The following BMPER variants were observed in gnomAD, a reference collection of about 807,000 sequenced individuals.
The protein encoded by BMPER is BMP binding endothelial regulator.
BMPER carries 45 observed loss-of-function variants against 87.3 expected under a neutral mutation model. The observed-to-expected ratio is 0.52, with a 90% CI of 0.41 to 0.66. BMPER has a LOEUF of 0.66. Ranked by LOEUF, BMPER falls within the 30% of genes least tolerant of loss-of-function variation. The pLI, the probability that BMPER is intolerant of heterozygous loss-of-function variation, is 0.00. For missense variants in BMPER, 784 were observed against 867.5 expected (o/e 0.90, Z 1.21); for synonymous variants, 326 against 316.2 (o/e 1.03, Z -0.33).
At chr7:33,922,913 A>G (rs1432495291) in intron 2 of BMPER, among the ~76,000 whole-genome samples, 2 of 152,194 alleles carry the variant, frequency 1.3e-5, no homozygotes, top group African/African-American at 4.8e-5. Context: ...ATATGTGGGA[A>G]GGAAATATTA....
At chr7:33,995,411 A>T (rs148620156) in intron 6 of BMPER, among the ~76,000 whole-genome samples, 33 of 152,214 alleles carry the variant, frequency 2.2e-4, no homozygotes, top group African/African-American at 7.7e-4. Flanking sequence ...CAAGGAGAAG[A>T]CAATAAAATA....
chr7:33,920,686 A>G (rs1194059631), intron 2 of BMPER, among the ~76,000 whole-genome samples: 1 of 151,902 alleles, frequency 6.6e-6, no homozygotes, highest in Non-Finnish European at 1.5e-5. Context: ...GGCCCCCCCA[A>G]AGTGCTGGGA....
At chr7:34,097,574 A>C (rs1215258423) in intron 13 of BMPER, among the ~76,000 whole-genome samples, 1 of 152,098 alleles carries the variant, frequency 6.6e-6, no homozygotes, top group African/African-American at 2.4e-5. Context: ...AAGCTTTAGC[A>C]TGAAATGGAA....
Position 33,924,762 on chromosome 7 carries a change from G to A in BMPER, c.220-12527G>A, listed in dbSNP as rs939623895. Among the ~76,000 whole-genome samples the A allele has an allele frequency of 1.2e-4, 18 of 152,256 alleles. 1 individual carries two copies. Among genetic ancestry groups the A allele is most frequent in the South Asian group, 4.1e-4 (2 of 4,822 alleles). ...GGCTCACTGCAACCTCTGCCTCCCG[G>A]GCTCAAGCGATTCTCCTGCCTCAAT... On this transcript the variant is annotated intron_variant, in intron 2 of 14. Coordinates refer to ENST00000649409, the MANE Select transcript of BMPER (RefSeq NM_001365308.1).
chr7:34,080,393 G>A (rs1395970824), intron 12 of BMPER, among the ~76,000 whole-genome samples: 1 of 152,172 alleles, frequency 6.6e-6, no homozygotes, highest in African/African-American at 2.4e-5. Context: ...AGCAGCCCAG[G>A]GAGCTTTTAG....
chr7:34,047,885 G>T (rs941298699), intron 7 of BMPER, among the ~76,000 whole-genome samples: 4 of 142,190 alleles, frequency 2.8e-5, no homozygotes, highest in African/African-American at 1.1e-4. Flanking sequence ...CTCCCCTTAA[G>T]TCTGTTTACA....
At chr7:33,995,429 G>C (rs1033662535) in intron 6 of BMPER, among the ~76,000 whole-genome samples, 1 of 152,132 alleles carries the variant, frequency 6.6e-6, no homozygotes, top group African/African-American at 2.4e-5. Context: ...ATAGGACAAT[G>C]TTGAGAGCCA....
At chr7:34,081,259 G>C (rs1465693788) in intron 12 of BMPER, among the ~76,000 whole-genome samples, 1 of 152,090 alleles carries the variant, frequency 6.6e-6, no homozygotes, top group Admixed American at 6.5e-5. Context: ...ACCACCTATT[G>C]ATTATGTATT....
At chr7:34,137,367 A>G (rs1790745741) in intron 13 of BMPER, among the ~76,000 whole-genome samples, 2 of 152,250 alleles carry the variant, frequency 1.3e-5, no homozygotes, top group Non-Finnish European at 1.5e-5. Flanking sequence ...GATGGAATTC[A>G]TGTCCTTCAG....
At chr7:33,993,462 G>C (rs1265944977) in intron 6 of BMPER, among the ~76,000 whole-genome samples, 3 of 151,908 alleles carry the variant, frequency 2.0e-5, no homozygotes, top group African/African-American at 7.2e-5. Flanking sequence ...TTGGTTTTCA[G>C]CTCCATCAGC....
chr7:34,052,596 G>A (rs1788175504), intron 8 of BMPER, among the ~76,000 whole-genome samples: 1 of 152,198 alleles, frequency 6.6e-6, no homozygotes, highest in African/African-American at 2.4e-5. Flanking sequence ...ATTTATCAGG[G>A]AGGACTTTAG....
At chr7:33,934,302 C>T (rs1784551178) in intron 2 of BMPER, among the ~76,000 whole-genome samples, 1 of 152,168 alleles carries the variant, frequency 6.6e-6, no homozygotes, top group Non-Finnish European at 1.5e-5. Flanking sequence ...CTCTCACCAG[C>T]AATTCCCTGA....
At chr7:34,085,169 G>A (rs751234766) in intron 12 of BMPER, among the ~76,000 whole-genome samples, 12 of 152,218 alleles carry the variant, frequency 7.9e-5, no homozygotes, top group Non-Finnish European at 1.3e-4. Flanking sequence ...AGGAATGGTT[G>A]TAAAATAATG....
At chr7:34,011,522 T>G (rs1786873734) in intron 6 of BMPER, among the ~76,000 whole-genome samples, 1 of 115,702 alleles carries the variant, frequency 8.6e-6, no homozygotes. Context: ...AAATTTCCAT[T>G]AAAGGAAAAC....
At chr7:34,038,897 G>A (rs1237664429) in intron 6 of BMPER, among the ~76,000 whole-genome samples, 1 of 152,188 alleles carries the variant, frequency 6.6e-6, no homozygotes, top group Admixed American at 6.5e-5. Flanking sequence ...GGGTCAGAAA[G>A]CTTCCAAGAT....
At chr7:33,986,377 TAC>T (rs762094914) in intron 6 of BMPER, among the ~76,000 whole-genome samples, 2 of 152,252 alleles carry the variant, frequency 1.3e-5, no homozygotes, top group Non-Finnish European at 2.9e-5. Context: ...ACAGCTTGAG[TAC>T]AGTGTCTTAC....
chr7:33,941,451 G>T (rs1784764394), intron 3 of BMPER, among the ~76,000 whole-genome samples: 1 of 151,656 alleles, frequency 6.6e-6, no homozygotes, highest in Admixed American at 6.6e-5. Context: ...TTCACACTTT[G>T]TTTCTATTAT....
At chr7:33,939,919 C>G (rs1784711404) in intron 3 of BMPER, 1 of 260,870 alleles carries the variant, frequency 3.8e-6, no homozygotes, top group African/African-American at 2.2e-5. Context: ...AATATGCACC[C>G]TTTGTTTTCT....
chr7:33,989,549 C>A (rs1367757570), intron 6 of BMPER, among the ~76,000 whole-genome samples: 2 of 152,050 alleles, frequency 1.3e-5, no homozygotes, highest in Non-Finnish European at 2.9e-5. Context: ...CGAAATTTTT[C>A]TCCCATTTTG....
Sources: gnomAD v4.1 joint callset for allele counts (sites outside exome capture counted in the v4.1 genomes callset) on GRCh38, gnomAD v4.1.1 for gene constraint, MANE v1.5 for transcripts, NCBI Gene and HGNC (gene_info 2026-07-23, HGNC 2026-07-21) for gene names.